The following DCP2 variants were observed in gnomAD, a reference collection of about 807,000 sequenced individuals.
DCP2 encodes m7GpppN-mRNA hydrolase.
A neutral mutation model predicts 56.1 loss-of-function variants in DCP2; 30 were observed. The ratio of observed to expected loss-of-function variants is 0.53; its 90% CI spans 0.40 to 0.73. DCP2 has a LOEUF of 0.73. Ranked by LOEUF, DCP2 falls within the 30% of genes least tolerant of loss-of-function variation. The probability of loss-of-function intolerance (pLI) is 0.00; values close to 1 mark genes in which losing one functional copy is unlikely to be tolerated. For missense variants in DCP2, 533 were observed against 502.7 expected (o/e 1.06, Z -0.58); for synonymous variants, 197 against 163.3 (o/e 1.21, Z -1.57).
chr5:112,991,414 A>G (rs1045738079), intron 2 of DCP2, among the ~76,000 whole-genome samples: 2 of 152,188 alleles, frequency 1.3e-5, no homozygotes, highest in East Asian at 1.9e-4. Flanking sequence ...TTACTTTACT[A>G]TTAATATTTT....
Position 112,992,752 on chromosome 5 carries a change from T to A in DCP2, c.414T>A (p.His138Gln). ...KGKVNKEEAPHDCAAREVFEE... is the reference protein window; with the variant it reads ...KGKVNKEEAPQDCAAREVFEE... ...AAGTAAATAAAGAAGAAGCTCCTCA[T>A]GATTGTGCTGCTAGAGAGGTAAGTT... is the stretch of plus-strand genomic sequence containing the variant. Residue 138 changes from histidine (H) to glutamine (Q), a missense_variant, in exon 4 of 11, where the codon CAT becomes CAA. Coordinates refer to ENST00000389063, the MANE Select transcript of DCP2 (RefSeq NM_152624.6). 1 of 1,584,250 alleles carries A rather than the reference T, an allele frequency of 6.3e-7. No homozygotes were observed. The highest frequency in any genetic ancestry group is 2.3e-5 in the East Asian group (1 of 43,610).
intron 2 of DCP2, among the ~76,000 whole-genome samples, chr5:112,990,157 G>C (rs1428167442): frequency 1.3e-5 from 2 of 152,184 alleles, no homozygotes; most frequent in Non-Finnish European, 2.9e-5. Context: ...TTATGGGCCA[G>C]TTGAGTTGAT....
intron 1 of DCP2, among the ~76,000 whole-genome samples, chr5:112,978,801 A>AT (rs1303213412): frequency 6.6e-6 from 1 of 152,134 alleles, no homozygotes; most frequent in Non-Finnish European, 1.5e-5. Context: ...TGTTTCCAAT[A>AT]TTTTTTATGC....
chr5:113,008,086 G>C (rs375014024), intron 9 of DCP2, 44 bp downstream of exon 9: 15 of 1,514,774 alleles, frequency 9.9e-6, no homozygotes, highest in African/African-American at 1.4e-5. Flanking sequence ...TTCATCCTCT[G>C]AAGAGTGAAA....
At chr5:112,979,306 A>G (rs1580787680) in intron 1 of DCP2, among the ~76,000 whole-genome samples, 1 of 152,230 alleles carries the variant, frequency 6.6e-6, no homozygotes, top group Admixed American at 6.5e-5. Flanking sequence ...TTTTAAAATA[A>G]ATGCCATTTT....
chr5:112,990,001 C>G (rs1748507224), intron 2 of DCP2, among the ~76,000 whole-genome samples: 1 of 151,964 alleles, frequency 6.6e-6, no homozygotes, highest in Non-Finnish European at 1.5e-5. Flanking sequence ...GTTGAGGATC[C>G]CAGTTTCTTC....
intron 4 of DCP2, among the ~76,000 whole-genome samples, chr5:112,997,566 CTT>C (rs1748918982): frequency 6.6e-6 from 1 of 151,206 alleles, no homozygotes; most frequent in Non-Finnish European, 1.5e-5. Flanking sequence ...ATTTCATTGT[CTT>C]TGTACACTGC....
intron 4 of DCP2, among the ~76,000 whole-genome samples, chr5:112,993,656 A>C: frequency 6.7e-6 from 1 of 149,260 alleles, no homozygotes; most frequent in Non-Finnish European, 1.5e-5. Context: ...AAAAAAAACC[A>C]AAATTTTTTT....
At position 113,001,069 on chromosome 5, in the gene DCP2, A is replaced by G. The variant is rs1282467666; in HGVS notation, c.433-15A>G. On this transcript the variant is annotated splice_polypyrimidine_tract_variant and intron_variant, in intron 4 of 10. Transcript: ENST00000389063. ...GAACTAAAATGAAAATTTCATCCAAATTTGTTGTTTCCAGGTCTTTGAAGA... is the reference window on the plus strand; with the variant it reads ...GAACTAAAATGAAAATTTCATCCAAGTTTGTTGTTTCCAGGTCTTTGAAGA... 5 of 1,571,302 alleles carry G rather than the reference A, an allele frequency of 3.2e-6. No homozygotes were observed. In the African/African-American group the frequency reaches 6.9e-5, roughly 22 times the overall value.
chr5:112,990,577 C>G (rs892056154), intron 2 of DCP2, among the ~76,000 whole-genome samples: 2 of 151,980 alleles, frequency 1.3e-5, no homozygotes, highest in East Asian at 3.9e-4. Flanking sequence ...AAGGCATGCA[C>G]TAATTATATT....
In DCP2 at chr5:113,007,376, ATTTCTTTCTTTC is replaced by A. The variant is rs35517896; in HGVS notation, c.943-546_943-535del. Among the ~76,000 whole-genome samples, 40 of 138,566 alleles carry A rather than the reference ATTTCTTTCTTTC, an allele frequency of 2.9e-4. No individual in the cohort carries two copies. In the South Asian group the frequency reaches 4.3e-3, roughly 15 times the overall value. The allele number at this position is 138,566 out of a possible 152,430, so 90.9% of individuals were successfully genotyped here. On this transcript the variant is annotated intron_variant, in intron 8 of 10. Coordinates refer to ENST00000389063, the MANE Select transcript of DCP2 (RefSeq NM_152624.6). ...GGGATAAGGCAAGAGGTGTGGAAAG[ATTTCTTTCTTTC>A]TTTCTTTCTTTCTTTTTTTTTTTTT...
At chr5:112,979,280 T>A (rs915680621) in intron 1 of DCP2, among the ~76,000 whole-genome samples, 1 of 152,198 alleles carries the variant, frequency 6.6e-6, no homozygotes, top group African/African-American at 2.4e-5. Flanking sequence ...AAATAAACAT[T>A]TCTCAAAACT....
intron 1 of DCP2, among the ~76,000 whole-genome samples, chr5:112,979,393 A>G (rs1209237848): frequency 6.6e-6 from 1 of 152,090 alleles, no homozygotes; most frequent in Non-Finnish European, 1.5e-5. Context: ...GTAGACTAAA[A>G]CTTTTTTTTT....
Position 113,003,920 on chromosome 5 carries a change from TA to T in DCP2, c.807-21del, listed in dbSNP as rs1325549258. ...ATAAGTGAACATTTTCTGATTTGAT[TA>T]TTTTTTAAATCTTGGTGTAGTCGAA... On this transcript the variant is annotated intron_variant, in intron 7 of 10. Transcript: ENST00000389063. 32 of 1,613,450 alleles carry T rather than the reference TA, an allele frequency of 2.0e-5. 1 individual carries two copies. Among genetic ancestry groups the T allele is most frequent in the Non-Finnish European group, 2.7e-5 (32 of 1,179,656 alleles).
intron 3 of DCP2, 44 bp downstream of exon 3, chr5:112,992,292 T>A: frequency 6.3e-7 from 1 of 1,577,302 alleles, no homozygotes; most frequent in Non-Finnish European, 8.6e-7. Flanking sequence ...TGGTGATCGT[T>A]AATCTGTTAA....
At chr5:112,997,098 A>AT (rs1396789104) in intron 4 of DCP2, among the ~76,000 whole-genome samples, 1 of 152,170 alleles carries the variant, frequency 6.6e-6, no homozygotes, top group Non-Finnish European at 1.5e-5. Flanking sequence ...GGATTTGGCT[A>AT]TTAGCTCTTT....
chr5:113,010,607 C>T, intron 9 of DCP2, 149 bp from the exon 10 acceptor site: 2 of 946,598 alleles, frequency 2.1e-6, no homozygotes, highest in Non-Finnish European at 2.9e-6. Context: ...TACAAAAATA[C>T]TGGTGAGAGA....
At position 112,976,930 on chromosome 5, in the gene DCP2, C is replaced by A; in HGVS notation, c.-4C>A. 6.2e-7 allele frequency: 1 copy of A among 1,611,454 alleles called. No individual in the cohort carries two copies. Among genetic ancestry groups the A allele is most frequent in the South Asian group, 1.1e-5 (1 of 90,924 alleles). ...ATGCACTGTTCCTGCTGTGGGTCCT[C>A]ATCATGGAGACCAAACGGGTGGAGA... On this transcript the variant is annotated 5_prime_UTR_variant, in exon 1 of 11. An upstream open reading frame in the 5' UTR gains an earlier in-frame stop. Coordinates refer to ENST00000389063, the MANE Select transcript of DCP2 (RefSeq NM_152624.6).
intron 9 of DCP2, 82 bp from the exon 10 acceptor site, chr5:113,010,674 C>T (rs948930722): frequency 2.9e-6 from 4 of 1,377,660 alleles, no homozygotes; most frequent in African/African-American, 3.0e-5. Context: ...TTTGATAATA[C>T]ATCTTTTGAT....
Sources: allele counts gnomAD v4.1 joint callset (sites outside exome capture counted in the v4.1 genomes callset), GRCh38; gene constraint gnomAD v4.1.1; transcripts MANE v1.5; gene names NCBI Gene and HGNC (gene_info 2026-07-23, HGNC 2026-07-21).